TMEM184C: variants seen among roughly 807,000 people sequenced by gnomAD.
TMEM184C encodes the protein transmembrane protein 34.
Under a neutral mutation model 54.5 loss-of-function variants are expected in TMEM184C, and 25 were observed. The observed-to-expected ratio is 0.46, with a 90% CI of 0.33 to 0.64. TMEM184C has a LOEUF of 0.64. TMEM184C is among the 30% of genes least tolerant of loss of function. The pLI is 0.02. For synonymous variants in TMEM184C, 148 were observed against 181.5 expected (o/e 0.82, Z 1.49); for missense variants, 335 against 520.3 (o/e 0.64, Z 3.46).
rs1199272155 is a variant in TMEM184C at position 147,635,812 on chromosome 4, C to T, written c.*1378C>T. On this transcript the variant is annotated 3_prime_UTR_variant, in exon 10 of 10. Transcript: ENST00000296582. ...GTAAAGTTGCAGAATACAAAATCAA[C>T]ATACAAAAAGCATTAGCATTTTTAT... 1 of 151,980 alleles carries T rather than the reference C, an allele frequency of 6.6e-6. No individual in the cohort carries two copies. The highest frequency in any genetic ancestry group is 2.4e-5 in the African/African-American group (1 of 41,380). 9.4% of individuals were successfully genotyped at this position (151,980 alleles called of 1,614,324 possible).
chr4:147,629,130 A>G (rs1456673148), intron 5 of TMEM184C, among the ~76,000 whole-genome samples: 1 of 152,140 alleles, frequency 6.6e-6, no homozygotes, highest in Admixed American at 6.5e-5. Flanking sequence ...GATTATAACA[A>G]TACTGATGGT....
At chr4:147,624,432 G>A (rs1464711135) in intron 3 of TMEM184C, among the ~76,000 whole-genome samples, 4 of 152,036 alleles carry the variant, frequency 2.6e-5, no homozygotes, top group South Asian at 4.1e-4. Context: ...GGATACACAT[G>A]AAATTGTTGT....
intron 3 of TMEM184C, 70 bp from the exon 4 acceptor site, chr4:147,624,734 T>G: frequency 1.4e-6 from 2 of 1,444,650 alleles, no homozygotes; most frequent in Non-Finnish European, 1.9e-6. Context: ...TTATTGTGAG[T>G]ACCATGAATG....
intron 1 of TMEM184C, among the ~76,000 whole-genome samples, chr4:147,622,550 AT>A (rs1412354583): frequency 6.6e-6 from 1 of 152,178 alleles, no homozygotes; most frequent in Non-Finnish European, 1.5e-5. Flanking sequence ...GGGACTATCT[AT>A]AGTTTTAGGT....
chr4:147,628,487 G>A (rs765251332), intron 5 of TMEM184C, 52 bp downstream of exon 5: 2 of 1,433,572 alleles, frequency 1.4e-6, no homozygotes, highest in Admixed American at 1.7e-5. Flanking sequence ...GTGATCTTAT[G>A]TGGGAACAAC....
At chr4:147,620,753 G>A (rs367738661) in intron 1 of TMEM184C, among the ~76,000 whole-genome samples, 3 of 152,340 alleles carry the variant, frequency 2.0e-5, no homozygotes, top group East Asian at 1.9e-4. Flanking sequence ...CTGTGTAAAT[G>A]GTGGTGCTAG....
At chr4:147,621,182 A>C (rs1732701660) in intron 1 of TMEM184C, among the ~76,000 whole-genome samples, 1 of 151,560 alleles carries the variant, frequency 6.6e-6, no homozygotes, top group Admixed American at 6.6e-5. Context: ...TTTTTTTTTT[A>C]ACCTCAGCAC....
chr4:147,631,515 AC>A lies in TMEM184C; in HGVS notation c.779+11del, dbSNP rs1358530933. 3 of 1,589,984 alleles carry A rather than the reference AC, an allele frequency of 1.9e-6. No homozygotes were observed. Among genetic ancestry groups the A allele is most frequent in the South Asian group, 2.3e-5 (2 of 86,736 alleles). On this transcript the variant is annotated intron_variant, in intron 7 of 9. Coordinates refer to ENST00000296582, the MANE Select transcript of TMEM184C (RefSeq NM_018241.3). ...TTTTTGTTTCTTTTTGGTAAGTGTT[AC>A]TTTTTTTTAAATGTTCTCATTTTTT...
intron 7 of TMEM184C, among the ~76,000 whole-genome samples, chr4:147,631,819 T>G (rs1323766647): frequency 6.6e-6 from 1 of 152,162 alleles, no homozygotes; most frequent in African/African-American, 2.4e-5. Flanking sequence ...ATGTAGAATA[T>G]TTAATTATAT....
Position 147,632,983 on chromosome 4 carries a change from C to T in TMEM184C, c.860C>T (p.Ala287Val). The change falls in exon 8 of 10, where the codon GCT becomes GTT. Residue 287 changes from alanine (A) to valine (V), a missense_variant. Transcript: ENST00000296582. The stretch of plus-strand genomic sequence containing the variant: ...ACGTGGGAATGGCAAACTGTAGAAG[C>T]TGTGGCCACCGGACTCCAGGTAAGT... ...KHTWEWQTVE[A>V]VATGLQDFII... The T allele has an allele frequency of 6.2e-7, 1 of 1,613,998 alleles. No homozygotes were observed. Among genetic ancestry groups the T allele is most frequent in the South Asian group, 1.1e-5 (1 of 91,058 alleles).
At position 147,631,423 on chromosome 4, in the gene TMEM184C, A is replaced by G; in HGVS notation, c.697A>G (p.Lys233Glu). The change falls in exon 7 of 10, where the codon AAA becomes GAA. Residue 233 changes from lysine (K) to glutamate (E), a missense_variant. Physicochemically the swap from Lys to Glu is moderately conservative, Grantham distance 56. Coordinates refer to ENST00000296582, the MANE Select transcript of TMEM184C (RefSeq NM_018241.3). ...FAMYCLLLFY[K>E]VLKEELSPIQ... The stretch of plus-strand genomic sequence containing the variant: ...CATGTATTGTCTCCTGCTCTTTTAT[A>G]AAGTACTAAAAGAAGAACTGAGCCC... 2 of 1,596,440 alleles carry G rather than the reference A, an allele frequency of 1.3e-6. No homozygotes were observed. The highest frequency in any genetic ancestry group is 1.7e-6 in the Non-Finnish European group (2 of 1,176,252).
chr4:147,618,122 C>G (rs1323041159), intron 1 of TMEM184C, 43 bp downstream of exon 1: 9 of 1,610,962 alleles, frequency 5.6e-6, no homozygotes, highest in Non-Finnish European at 6.8e-6. Context: ...TTTCTTCTAC[C>G]CATCTATGGT....
intron 1 of TMEM184C, among the ~76,000 whole-genome samples, chr4:147,623,269 A>G (rs563936039): frequency 2.8e-4 from 42 of 152,086 alleles, no homozygotes; most frequent in African/African-American, 9.9e-4. Context: ...CAACAGGGCG[A>G]AACCCCATCT....
chr4:147,629,285 T>A (rs991995967), intron 5 of TMEM184C, among the ~76,000 whole-genome samples: 22 of 151,978 alleles, frequency 1.4e-4, no homozygotes, highest in African/African-American at 4.6e-4. Flanking sequence ...GCATAGTTGT[T>A]TTTTTTTAAA....
intron 4 of TMEM184C, among the ~76,000 whole-genome samples, chr4:147,627,139 C>T (rs1333785023): frequency 6.6e-6 from 1 of 152,146 alleles, no homozygotes; most frequent in Non-Finnish European, 1.5e-5. Flanking sequence ...GATTGACTGA[C>T]ACAGGACAAG....
intron 9 of TMEM184C, 36 bp downstream of exon 9, chr4:147,633,972 G>T (rs1033422342): frequency 3.2e-5 from 51 of 1,584,316 alleles, no homozygotes; most frequent in Non-Finnish European, 4.4e-5. Flanking sequence ...CAAATAGGTT[G>T]GGTAGGATAT....
intron 6 of TMEM184C, 28 bp downstream of exon 6, chr4:147,629,720 C>A (rs763054192): frequency 6.6e-7 from 1 of 1,511,530 alleles, no homozygotes; most frequent in Non-Finnish European, 8.9e-7. Flanking sequence ...TTTTCTTAAA[C>A]TGTACTAAAT....
intron 3 of TMEM184C, 64 bp from the exon 4 acceptor site, chr4:147,624,740 G>C: frequency 6.7e-7 from 1 of 1,495,944 alleles, no homozygotes; most frequent in Non-Finnish European, 9.2e-7. Flanking sequence ...TGAGTACCAT[G>C]AATGGAGTGG....
intron 1 of TMEM184C, among the ~76,000 whole-genome samples, chr4:147,620,159 CT>C (rs969900712): frequency 1.3e-5 from 2 of 152,188 alleles, no homozygotes; most frequent in African/African-American, 4.8e-5. Context: ...CCTGACTACT[CT>C]ATTTAACATT....
Sources: allele counts gnomAD v4.1 joint callset (sites outside exome capture counted in the v4.1 genomes callset), GRCh38; gene constraint gnomAD v4.1.1; transcripts MANE v1.5; gene names NCBI Gene and HGNC (gene_info 2026-07-23, HGNC 2026-07-21).